TEKT5: variants seen among roughly 807,000 people sequenced by gnomAD.
TEKT5 encodes tektin-5.
TEKT5 carries 52 observed loss-of-function variants against 48.7 expected under a neutral mutation model. The observed-to-expected ratio is 1.07, with a 90% CI of 0.86 to 1.35. The LOEUF (loss-of-function observed/expected upper bound fraction) is 1.35. Among genes scored for constraint, TEKT5 ranks in the 40% most tolerant of loss-of-function variants. The probability of loss-of-function intolerance (pLI) is 0.00; values close to 1 mark genes in which losing one functional copy is unlikely to be tolerated. For missense variants in TEKT5, 831 were observed against 641.6 expected, an observed-to-expected ratio of 1.30 and a Z score of -3.19; for synonymous variants, 318 against 267.6, an observed-to-expected ratio of 1.19 and a Z score of -1.84.
intron 5 of TEKT5, among the ~76,000 whole-genome samples, chr16:10,642,504 C>CCCCT (rs1355516155): frequency 2.0e-5 from 3 of 152,126 alleles, no homozygotes; most frequent in South Asian, 2.1e-4. Flanking sequence ...CACGTTTCTC[C>CCCCT]CCCTCCCTCC....
At chr16:10,664,343 G>A (rs74718892) in intron 5 of TEKT5, among the ~76,000 whole-genome samples, 396 of 152,270 alleles carry the variant, frequency 2.6e-3, no homozygotes, top group African/African-American at 9.2e-3. Context: ...ATACCTAGCG[G>A]GCTTGTTAAA....
intron 5 of TEKT5, among the ~76,000 whole-genome samples, chr16:10,641,677 C>T (rs1315378294): frequency 6.6e-6 from 1 of 152,100 alleles, no homozygotes; most frequent in African/African-American, 2.4e-5. Context: ...ACAAAATTAG[C>T]CAGGCATGGT....
intron 5 of TEKT5, among the ~76,000 whole-genome samples, chr16:10,642,302 T>A (rs1460426233): frequency 6.6e-6 from 1 of 152,030 alleles, no homozygotes; most frequent in Non-Finnish European, 1.5e-5. Context: ...TCCAACCACC[T>A]CCTTTACTGG....
intron 6 of TEKT5, among the ~76,000 whole-genome samples, chr16:10,630,961 C>A (rs1253235271): frequency 2.0e-5 from 3 of 151,842 alleles, no homozygotes; most frequent in Non-Finnish European, 4.4e-5. Context: ...GTCATCCCAG[C>A]ACTTTGGGAG....
At chr16:10,685,723 C>T (rs566824784) in intron 3 of TEKT5, among the ~76,000 whole-genome samples, 1 of 152,274 alleles carries the variant, frequency 6.6e-6, no homozygotes, top group South Asian at 2.1e-4. Flanking sequence ...TCTCCCTACT[C>T]CCCACCCGTC....
At chr16:10,686,226 A>T (rs1314693243) in intron 3 of TEKT5, among the ~76,000 whole-genome samples, 1 of 152,232 alleles carries the variant, frequency 6.6e-6, no homozygotes, top group African/African-American at 2.4e-5. Context: ...GTATTGATAC[A>T]AGTGGAAAGG....
At chr16:10,654,382 C>T (rs920627787) in intron 5 of TEKT5, among the ~76,000 whole-genome samples, 6 of 152,138 alleles carry the variant, frequency 3.9e-5, no homozygotes, top group Non-Finnish European at 7.3e-5. Context: ...ATTTGACTGG[C>T]TTGACTGGGT....
In TEKT5 at chr16:10,675,975, T is replaced by C. The variant is rs752793307; in HGVS notation, c.1070A>G (p.Gln357Arg). The C allele has an allele frequency of 1.2e-6, 2 of 1,614,158 alleles. No individual in the cohort carries two copies. Among genetic ancestry groups the C allele is most frequent in the Admixed American group, 3.3e-5 (2 of 60,024 alleles). The change falls in exon 5 of 7, where the codon CAG becomes CGG. Residue 357 changes from glutamine (Q) to arginine (R), a missense_variant. By Grantham distance (43) the Gln-to-Arg change is conservative. Coordinates refer to ENST00000283025, the MANE Select transcript of TEKT5 (RefSeq NM_144674.2). ...TCTGCTCACCTTCGCCAGCTGCGTC[T>C]GCAGCTTATTCTTCACATCCGTCAC... Reference protein sequence around the residue: ...SEVTDVKNKLQTQLAKTLQEI... With the variant: ...SEVTDVKNKLRTQLAKTLQEI...
chr16:10,686,575 C>A (rs1898865506), intron 3 of TEKT5, among the ~76,000 whole-genome samples: 2 of 152,058 alleles, frequency 1.3e-5, no homozygotes, highest in African/African-American at 4.8e-5. Context: ...CCCAATAGCA[C>A]ATGAAATCAA....
In TEKT5 at chr16:10,644,936, A is replaced by C. The variant is rs555000115; in HGVS notation, c.1087-9018T>G. 2.0e-5 allele frequency among the ~76,000 whole-genome samples: 3 copies of C among 152,246 alleles called. No homozygotes were observed. The South Asian group carries it at 6.2e-4, about 32-fold the overall frequency. On this transcript the variant is annotated intron_variant, in intron 5 of 6. Coordinates refer to ENST00000283025, the MANE Select transcript of TEKT5 (RefSeq NM_144674.2). ...GAGAGGCGATTAGGTGATGAGGTGG[A>C]GCTCTCATGAATGGGATTAGTGCCT...
At chr16:10,693,712 G>A (rs544693564) in intron 1 of TEKT5, among the ~76,000 whole-genome samples, 13 of 152,342 alleles carry the variant, frequency 8.5e-5, no homozygotes, top group Non-Finnish European at 1.6e-4. Context: ...GCCAGGCACA[G>A]TGGCCCATGC....
chr16:10,633,685 G>A (rs968869547), intron 6 of TEKT5, among the ~76,000 whole-genome samples: 2 of 152,118 alleles, frequency 1.3e-5, no homozygotes, highest in Non-Finnish European at 2.9e-5. Context: ...TGGGACTACA[G>A]GTACATGTCA....
intron 5 of TEKT5, among the ~76,000 whole-genome samples, chr16:10,662,939 T>C (rs1898398992): frequency 1.3e-5 from 2 of 152,192 alleles, no homozygotes; most frequent in Admixed American, 1.3e-4. Context: ...AAGTTATCAT[T>C]TTCTTTCTCC....
At position 10,681,923 on chromosome 16, in the gene TEKT5, G is replaced by A. The variant is rs965053747; in HGVS notation, c.863+70C>T. 3.8e-5 allele frequency: 59 copies of A among 1,565,852 alleles called. 1 individual carries two copies. The Admixed American group carries it at 5.7e-4, about 15-fold the overall frequency. On this transcript the variant is annotated intron_variant, in intron 4 of 6. Coordinates refer to ENST00000283025, the MANE Select transcript of TEKT5 (RefSeq NM_144674.2). ...GGTGCACGATGCCCCTTCGCCATTCGTTGGCAGGAGCAGAAGCCCTCACTC... is the reference window on the plus strand; with the variant it reads ...GGTGCACGATGCCCCTTCGCCATTCATTGGCAGGAGCAGAAGCCCTCACTC...
chr16:10,645,325 C>T (rs1173701918), intron 5 of TEKT5, among the ~76,000 whole-genome samples: 7 of 151,254 alleles, frequency 4.6e-5, no homozygotes, highest in Middle Eastern at 3.4e-3. Flanking sequence ...GCCTGGGCAA[C>T]ATAGTGAAAA....
At chr16:10,689,396 C>G (rs1483434185) in intron 2 of TEKT5, 73 bp from the exon 3 acceptor site, 1 of 1,326,262 alleles carries the variant, frequency 7.5e-7, no homozygotes, top group Non-Finnish European at 1.1e-6. Context: ...CCAGAGCCCT[C>G]AGCTCTCCCC....
At chr16:10,640,430 TA>T (rs1003753926) in intron 5 of TEKT5, among the ~76,000 whole-genome samples, 3 of 152,192 alleles carry the variant, frequency 2.0e-5, no homozygotes, top group South Asian at 2.1e-4. Flanking sequence ...CGTGACTTTT[TA>T]AAAAATAGAT....
chr16:10,649,585 C>T (rs1257453415), intron 5 of TEKT5, among the ~76,000 whole-genome samples: 2 of 151,832 alleles, frequency 1.3e-5, no homozygotes, highest in African/African-American at 4.8e-5. Flanking sequence ...CAGACGTACA[C>T]CACCATGCTT....
chr16:10,658,726 T>TTCTC (rs942363410), intron 5 of TEKT5, among the ~76,000 whole-genome samples: 4 of 138,966 alleles, frequency 2.9e-5, no homozygotes, highest in African/African-American at 1.1e-4. Context: ...TTCTTTTTCT[T>TTCTC]TTTTTTTTTG....
Sources: allele counts gnomAD v4.1 joint callset (sites outside exome capture counted in the v4.1 genomes callset), GRCh38; gene constraint gnomAD v4.1.1; transcripts MANE v1.5; gene names NCBI Gene and HGNC (gene_info 2026-07-23, HGNC 2026-07-21).